STOX2: variants seen among roughly 807,000 people sequenced by gnomAD.
STOX2 encodes storkhead box 2, also known as storkhead-box protein 2.
A neutral mutation model predicts 60.9 loss-of-function variants in STOX2; 28 were observed. The ratio of observed to expected loss-of-function variants is 0.46; its 90% CI spans 0.34 to 0.63. STOX2 has a LOEUF of 0.63. STOX2 is among the 30% of genes least tolerant of loss of function. The pLI is 0.01. For missense variants in STOX2, 1,024 were observed against 1,187.7 expected (o/e 0.86, Z 2.03); for synonymous variants, 472 against 463.9 (o/e 1.02, Z -0.22).
chr4:183,982,217 C>T (rs1732679598), intron 1 of STOX2, among the ~76,000 whole-genome samples: 1 of 152,186 alleles, frequency 6.6e-6, no homozygotes. Flanking sequence ...TCAGTATTCC[C>T]AATCCTATGA....
rs911660552 is a variant in STOX2 at position 183,911,934 on chromosome 4, T to G, written c.166+4978T>G. Among the ~76,000 whole-genome samples the G allele has an allele frequency of 4.5e-4, 69 of 152,314 alleles. 1 individual carries two copies. Among genetic ancestry groups the G allele is most frequent in the African/African-American group, 1.7e-3 (69 of 41,568 alleles). On this transcript the variant is annotated intron_variant, in intron 1 of 3. Coordinates refer to ENST00000308497, the MANE Select transcript of STOX2 (RefSeq NM_020225.3). Reference sequence around the variant, plus strand: ...TTGTGAGAGTATAGATATAGTCTACTCCAAATTGACCTTATCCACAGTAAC... The same window carrying G: ...TTGTGAGAGTATAGATATAGTCTACGCCAAATTGACCTTATCCACAGTAAC...
At chr4:183,827,079 C>T (rs1412368032) in intron 1 of STOX2, among the ~76,000 whole-genome samples, 1 of 152,182 alleles carries the variant, frequency 6.6e-6, no homozygotes, top group Non-Finnish European at 1.5e-5. Flanking sequence ...CCCAGGGTCA[C>T]CTAGCTGCTA....
intron 1 of STOX2, 28 bp downstream of exon 1, chr4:183,906,984 C>A: frequency 6.7e-7 from 1 of 1,500,050 alleles, no homozygotes; most frequent in East Asian, 2.5e-5. Context: ...TTTCTGCCCC[C>A]GGGCCGGGGC....
chr4:183,996,895 T>G (rs1386686261), intron 1 of STOX2, among the ~76,000 whole-genome samples: 1 of 152,236 alleles, frequency 6.6e-6, no homozygotes, highest in African/African-American at 2.4e-5. Context: ...GTTCTCTTTT[T>G]GTTTGCTATT....
chr4:183,954,808 G>C (rs912044110), intron 1 of STOX2, among the ~76,000 whole-genome samples: 2 of 152,016 alleles, frequency 1.3e-5, no homozygotes, highest in African/African-American at 4.8e-5. Flanking sequence ...GTGCGATCTC[G>C]GCTCAGTGCA....
rs529559655 is a variant in STOX2 at position 183,965,869 on chromosome 4, G to A, written c.167-35456G>A. ...ATGAGGGAAGGGGGTGGTTAGGGAA[G>A]AAGGGACAGCAGGTGTCTGTCTCAC... On this transcript the variant is annotated intron_variant, in intron 1 of 3. Transcript: ENST00000308497. Among the ~76,000 whole-genome samples, 3 of 152,292 alleles carry A rather than the reference G, an allele frequency of 2.0e-5. No homozygotes were observed. The East Asian group carries it at 5.8e-4, about 29-fold the overall frequency.
chr4:183,848,442 G>T (rs1179469501), intron 1 of STOX2, among the ~76,000 whole-genome samples: 2 of 152,158 alleles, frequency 1.3e-5, no homozygotes, highest in Admixed American at 6.5e-5. Context: ...TATTTCATTA[G>T]CCATAAATAA....
chr4:183,894,847 A>G (rs1398291943), intron 1 of STOX2, among the ~76,000 whole-genome samples: 2 of 152,370 alleles, frequency 1.3e-5, no homozygotes, highest in African/African-American at 2.4e-5. Flanking sequence ...CTCTTGCACC[A>G]TCTGTATAAA....
intron 1 of STOX2, among the ~76,000 whole-genome samples, chr4:183,826,439 G>A (rs1231023074): frequency 6.6e-6 from 1 of 152,154 alleles, no homozygotes; most frequent in African/African-American, 2.4e-5. Context: ...GGCCTTCGAG[G>A]CACAGTTCGT....
upstream of STOX2, among the ~76,000 whole-genome samples, chr4:183,901,736 C>T (rs150702953): frequency 8.2e-4 from 125 of 151,670 alleles, no homozygotes; most frequent in Non-Finnish European, 1.5e-3. Flanking sequence ...ATATGTTCTT[C>T]GCAGAAATCT....
rs1169470004 is a variant in STOX2, at chr4:183,806,054, G to T, written c.364+7999G>T. Among the ~76,000 whole-genome samples the T allele has an allele frequency of 4.6e-5, 7 of 152,182 alleles. No individual in the cohort carries two copies. The highest frequency in any genetic ancestry group is 1.0e-4 in the Non-Finnish European group (7 of 68,038). Reference sequence around the variant, plus strand: ...AATTAAGTGGGTAAGTTGAGAAAGTGCATGGGACAGTGGGAGACCCCATGC... The same window carrying T: ...AATTAAGTGGGTAAGTTGAGAAAGTTCATGGGACAGTGGGAGACCCCATGC... On this transcript the variant is annotated intron_variant, in intron 1 of 2. Coordinates refer to the STOX2 transcript ENST00000513034. This position sits in a 1 kb window ranked among gnomAD's most constrained non-coding sequence, Gnocchi z 4.1.
In STOX2 at chr4:184,001,681, A is replaced by C. The variant is rs1378183241; in HGVS notation, c.319+204A>C. Among the ~76,000 whole-genome samples the C allele has an allele frequency of 6.6e-6, 1 of 152,170 alleles. No individual in the cohort carries two copies. Among genetic ancestry groups the C allele is most frequent in the East Asian group, 1.9e-4 (1 of 5,202 alleles). On this transcript the variant is annotated intron_variant, in intron 2 of 3. Transcript: ENST00000308497. The surrounding 1 kb of genome is among the most constrained non-coding windows in gnomAD (Gnocchi z 4.2). ...ATAACTTAACTGCTTCAGCTGTAATACTTTTTAAATTGGCACCGAGAGGAA... is the reference window on the plus strand; with the variant it reads ...ATAACTTAACTGCTTCAGCTGTAATCCTTTTTAAATTGGCACCGAGAGGAA...
In STOX2 at chr4:183,958,763, G is replaced by A. The variant is rs568521382; in HGVS notation, c.167-42562G>A. Reference sequence around the variant, plus strand: ...TAGCTCTGCTCATGATGTCTGCCTCGGTGTCCCGGGCCCGCACTCCTCCAG... The same window carrying A: ...TAGCTCTGCTCATGATGTCTGCCTCAGTGTCCCGGGCCCGCACTCCTCCAG... On this transcript the variant is annotated intron_variant, in intron 1 of 3. Transcript: ENST00000308497. 4.6e-5 allele frequency among the ~76,000 whole-genome samples: 7 copies of A among 152,192 alleles called. No individual in the cohort carries two copies. In the South Asian group the frequency reaches 1.2e-3, roughly 27 times the overall value.
rs750098062 is a variant in STOX2 at position 184,010,568 on chromosome 4, A to G, written c.1730A>G (p.Lys577Arg). ...GCTTGCAGCCTTTTGGAGCCAGGAA[A>G]ACCACCCGAGAGTTTGCCATCCTAT... ...SSACSLLEPG[K>R]PPESLPSYGE... is the part of the protein sequence containing the mutation. Residue 577 changes from lysine to arginine, a missense_variant, in exon 3 of 4, where the codon AAA becomes AGA. By Grantham distance (26) the Lys-to-Arg change is conservative. Transcript: ENST00000308497. The surrounding 1 kb of genome is among the most constrained non-coding windows in gnomAD (Gnocchi z 4.5). The G allele has an allele frequency of 3.1e-6, 5 of 1,613,914 alleles. No individual in the cohort carries two copies. The South Asian group carries it at 5.5e-5, about 18-fold the overall frequency.
rs145442492 is a variant in STOX2, at chr4:183,813,504, T to C, written c.364+15449T>C. ...AGGATGTGAGTAGGTTATCTGTGAA[T>C]ACTCTGCCATTTGATGTCAGGGACT... is the stretch of plus-strand genomic sequence containing the variant. On this transcript the variant is annotated intron_variant, in intron 1 of 2. Coordinates refer to the STOX2 transcript ENST00000513034. Among the ~76,000 whole-genome samples, 864 of 152,346 alleles carry C rather than the reference T, an allele frequency of 5.7e-3. 9 individuals carry two copies. Among genetic ancestry groups the C allele is most frequent in the African/African-American group, 0.02 (821 of 41,578 alleles).
At chr4:183,832,651 C>T (rs1370365895) in intron 1 of STOX2, among the ~76,000 whole-genome samples, 7 of 151,904 alleles carry the variant, frequency 4.6e-5, no homozygotes, top group Non-Finnish European at 1.0e-4. Context: ...CCACCATGCC[C>T]GGCTAATTTT....
intron 1 of STOX2, among the ~76,000 whole-genome samples, chr4:183,874,952 A>G: frequency 2.2e-5 from 1 of 44,614 alleles, no homozygotes; most frequent in Non-Finnish European, 3.9e-5. Flanking sequence ...AAAAAAAAAA[A>G]ATATATATAT....
intron 1 of STOX2, among the ~76,000 whole-genome samples, chr4:183,997,811 A>C (rs1733410617): frequency 2.0e-5 from 3 of 152,220 alleles, no homozygotes; most frequent in Admixed American, 2.0e-4. Flanking sequence ...CTACATTCTG[A>C]GTTAAAAGTT....
At chr4:183,975,454 A>C (rs1028034046) in intron 1 of STOX2, among the ~76,000 whole-genome samples, 6 of 152,198 alleles carry the variant, frequency 3.9e-5, no homozygotes, top group African/African-American at 1.4e-4. Flanking sequence ...TGACAAGGAA[A>C]TATGACATAA....
Sources: gnomAD v4.1 joint callset for allele counts (sites outside exome capture counted in the v4.1 genomes callset) on GRCh38, gnomAD v4.1.1 for gene constraint, Gnocchi (gnomAD v3.1) non-coding constraint, MANE v1.5 for transcripts, NCBI Gene and HGNC (gene_info 2026-07-23, HGNC 2026-07-21) for gene names.